Variants in TMEM30A observed in about 807,000 individuals in gnomAD.
TMEM30A encodes the protein cell division cycle 50 P4-ATPase accessory subunit A.
TMEM30A carries 24 observed loss-of-function variants against 38.2 expected under a neutral mutation model. The ratio of observed to expected loss-of-function variants is 0.63; its 90% CI spans 0.46 to 0.88. The LOEUF (loss-of-function observed/expected upper bound fraction) is 0.88. Ranked by LOEUF, TMEM30A falls within the 40% of genes least tolerant of loss-of-function variation. TMEM30A has a pLI of 0.00. For missense variants in TMEM30A, 370 were observed against 458.6 expected, an observed-to-expected ratio of 0.81 and a Z score of 1.77; for synonymous variants, 145 against 161.6, an observed-to-expected ratio of 0.90 and a Z score of 0.78.
In TMEM30A at chr6:75,284,417, G is replaced by A. The variant is rs1772422006; in HGVS notation, c.222C>T (p.Asn74=). Residue 74 remains asparagine (N), a synonymous_variant, in exon 1 of 7, where the codon AAC becomes AAT. Coordinates refer to ENST00000230461, the MANE Select transcript of TMEM30A (RefSeq NM_018247.4). ...IGIGIFVTSN[N]IREIEIDYTG... ...CTCCCCTCACCTCGATCTCGCGGAT[G>A]TTGTTGGAGGTGACAAAAATGCCAA... 3 of 1,613,990 alleles carry A rather than the reference G, an allele frequency of 1.9e-6. No individual in the cohort carries two copies. Among genetic ancestry groups the A allele is most frequent in the South Asian group, 1.1e-5 (1 of 91,084 alleles).
At chr6:75,262,551 A>G (rs1242190635) in intron 3 of TMEM30A, among the ~76,000 whole-genome samples, 1 of 151,196 alleles carries the variant, frequency 6.6e-6, no homozygotes, top group East Asian at 2.0e-4. Flanking sequence ...GCTGAGGCAC[A>G]GAATTGCTTG....
At chr6:75,274,479 A>G (rs1446162029) in intron 1 of TMEM30A, among the ~76,000 whole-genome samples, 1 of 152,272 alleles carries the variant, frequency 6.6e-6, no homozygotes, top group Non-Finnish European at 1.5e-5. Context: ...AGAGAATGCC[A>G]GACAGAATGC....
At chr6:75,269,090 T>A (rs1486530286) in intron 1 of TMEM30A, among the ~76,000 whole-genome samples, 2 of 152,130 alleles carry the variant, frequency 1.3e-5, no homozygotes, top group East Asian at 1.9e-4. Flanking sequence ...CACACACAAC[T>A]TCCCCCACTA....
In TMEM30A at chr6:75,265,258, T is replaced by C; in HGVS notation, c.426A>G (p.Gln142=). 6.2e-7 allele frequency: 1 copy of C among 1,610,104 alleles called. No homozygotes were observed. The highest frequency in any genetic ancestry group is 8.5e-7 in the Non-Finnish European group (1 of 1,177,322). The change falls in exon 3 of 7, where the codon CAA becomes CAG. Residue 142 remains glutamine (Q), a synonymous_variant. Coordinates refer to ENST00000230461, the MANE Select transcript of TMEM30A (RefSeq NM_018247.4). The stretch of plus-strand genomic sequence containing the variant: ...GCAAAGCACTAGAATCTCCATTTAG[T>C]TGACTATCATCTCGAGATTTCACGT... ...RRYVKSRDDS[Q]LNGDSSALLN...
intron 2 of TMEM30A, among the ~76,000 whole-genome samples, chr6:75,265,539 C>T (rs1273225147): frequency 6.6e-6 from 1 of 152,144 alleles, no homozygotes; most frequent in Non-Finnish European, 1.5e-5. Flanking sequence ...TACAAAAAGC[C>T]ACAAGTAAAC....
rs187756624 is a variant in TMEM30A at position 75,268,303 on chromosome 6, T to C, written c.238-555A>G. Among the ~76,000 whole-genome samples the C allele has an allele frequency of 3.3e-5, 5 of 152,344 alleles. No homozygotes were observed. In the East Asian group the frequency reaches 9.6e-4, roughly 29 times the overall value. On this transcript the variant is annotated intron_variant, in intron 1 of 6. Transcript: ENST00000230461. ...TCTTTGTTATTCATAAGCCCCTTGA[T>C]TCACACCAGAGTTTATGTTAGTTAA...
Position 75,256,305 on chromosome 6 carries a change from G to A in TMEM30A, c.893-10C>T, listed in dbSNP as rs1353809840. ...TAATGTACAGGGTAATCTGAAGAGG[G>A]TATAGGAAGATTTTTCCATCTCTGG... On this transcript the variant is annotated splice_polypyrimidine_tract_variant and intron_variant, in intron 6 of 6. Coordinates refer to ENST00000230461, the MANE Select transcript of TMEM30A (RefSeq NM_018247.4). The A allele has an allele frequency of 6.3e-7, 1 of 1,579,236 alleles. No homozygotes were observed. The highest frequency in any genetic ancestry group is 8.6e-7 in the Non-Finnish European group (1 of 1,162,124).
rs182981520 is a variant in TMEM30A, at chr6:75,267,951, T to C, written c.238-203A>G. On this transcript the variant is annotated intron_variant, in intron 1 of 6. Coordinates refer to ENST00000230461, the MANE Select transcript of TMEM30A (RefSeq NM_018247.4). Reference sequence around the variant, plus strand: ...CCTCTGTTGTTCTACTGGCTGATCTTTCCAAGTAAAGTCCTCTCTTCTTTT... The same window carrying C: ...CCTCTGTTGTTCTACTGGCTGATCTCTCCAAGTAAAGTCCTCTCTTCTTTT... Among the ~76,000 whole-genome samples, 298 of 152,334 alleles carry C rather than the reference T, an allele frequency of 2.0e-3. 1 individual carries two copies. The highest frequency in any genetic ancestry group is 0.014 in the Middle Eastern group (4 of 294).
intron 2 of TMEM30A, among the ~76,000 whole-genome samples, chr6:75,266,652 T>C (rs1772072727): frequency 6.6e-6 from 1 of 152,202 alleles, no homozygotes; most frequent in Non-Finnish European, 1.5e-5. Context: ...AGAAAATTAA[T>C]AGAGCTTCTA....
chr6:75,256,556 T>G (rs953961656), intron 6 of TMEM30A, among the ~76,000 whole-genome samples: 21 of 152,050 alleles, frequency 1.4e-4, no homozygotes, highest in Admixed American at 4.6e-4. Flanking sequence ...GTTTCTCAGG[T>G]GCTTTTGCTC....
chr6:75,270,239 C>T (rs569036350), intron 1 of TMEM30A, among the ~76,000 whole-genome samples: 1 of 152,286 alleles, frequency 6.6e-6, no homozygotes, highest in East Asian at 1.9e-4. Context: ...TTTCACCATC[C>T]TACTAGGTAT....
At position 75,253,684 on chromosome 6, in the gene TMEM30A, A is replaced by G. The variant is rs895003736; in HGVS notation, c.*2418T>C. The G allele has an allele frequency of 1.3e-5, 2 of 152,594 alleles. No individual in the cohort carries two copies. Among genetic ancestry groups the G allele is most frequent in the African/African-American group, 4.8e-5 (2 of 41,454 alleles). 9.5% of individuals were successfully genotyped at this position (152,594 alleles called of 1,614,324 possible). A position where few individuals can be genotyped will look rare whatever the true frequency, so the allele number is the denominator to read the frequency against. ...TATCATTTAATAAAATCAACGTTAC[A>G]AAGAAACTCACTAGCAAATAAACAA... is the stretch of plus-strand genomic sequence containing the variant. On this transcript the variant is annotated 3_prime_UTR_variant, in exon 7 of 7. Coordinates refer to ENST00000230461, the MANE Select transcript of TMEM30A (RefSeq NM_018247.4).
At chr6:75,272,331 T>G (rs1318324594) in intron 1 of TMEM30A, 1 of 152,188 alleles carries the variant, frequency 6.6e-6, no homozygotes, top group Non-Finnish European at 1.5e-5. Flanking sequence ...TTCGGCTTAC[T>G]CAGGCATGCC....
At position 75,255,080 on chromosome 6, in the gene TMEM30A, A is replaced by G. The variant is rs1272596623; in HGVS notation, c.*1022T>C. 1 of 152,542 alleles carries G rather than the reference A, an allele frequency of 6.6e-6. No individual in the cohort carries two copies. Among genetic ancestry groups the G allele is most frequent in the East Asian group, 1.9e-4 (1 of 5,200 alleles). 9.4% of individuals were successfully genotyped at this position (152,542 alleles called of 1,614,324 possible). On this transcript the variant is annotated 3_prime_UTR_variant, in exon 7 of 7. Coordinates refer to ENST00000230461, the MANE Select transcript of TMEM30A (RefSeq NM_018247.4). ...GCATACACATTGCTATTTGACCTAT[A>G]TGCAAAAGTGGAATGAAATACATAG...
At chr6:75,277,742 G>A (rs894039941) in intron 1 of TMEM30A, among the ~76,000 whole-genome samples, 1 of 152,050 alleles carries the variant, frequency 6.6e-6, no homozygotes, top group African/African-American at 2.4e-5. Context: ...CCCATCTCTA[G>A]CAAAAATTTA....
chr6:75,280,709 C>G (rs1168814605), intron 1 of TMEM30A, among the ~76,000 whole-genome samples: 1 of 147,738 alleles, frequency 6.8e-6, no homozygotes, highest in African/African-American at 2.7e-5. Context: ...TAAAACACCA[C>G]AAACCTTAAT....
intron 6 of TMEM30A, chr6:75,256,729 G>A (rs1471276745): frequency 8.4e-6 from 4 of 478,860 alleles, no homozygotes; most frequent in African/African-American, 5.9e-5. Context: ...TATCAAGAGT[G>A]TAGTTATGAG....
At chr6:75,272,118 T>C (rs1029703445) in intron 1 of TMEM30A, among the ~76,000 whole-genome samples, 2 of 152,244 alleles carry the variant, frequency 1.3e-5, no homozygotes, top group African/African-American at 2.4e-5. Flanking sequence ...AACTATATAC[T>C]GTATTTCACT....
At chr6:75,263,269 G>A (rs1772003995) in intron 3 of TMEM30A, among the ~76,000 whole-genome samples, 1 of 152,144 alleles carries the variant, frequency 6.6e-6, no homozygotes, top group Non-Finnish European at 1.5e-5. Context: ...ATGCCAAGAG[G>A]GAGGATGATA....
Sources: gnomAD v4.1 joint callset for allele counts (sites outside exome capture counted in the v4.1 genomes callset) on GRCh38, gnomAD v4.1.1 for gene constraint, MANE v1.5 for transcripts, NCBI Gene and HGNC (gene_info 2026-07-23, HGNC 2026-07-21) for gene names.